The following ZNF599 variants were observed in gnomAD, a reference collection of about 807,000 sequenced individuals.
The protein encoded by ZNF599 is zinc finger protein 599.
Under a neutral mutation model 11.7 loss-of-function variants are expected in ZNF599, and 10 were observed. The observed-to-expected ratio is 0.86, with a 90% confidence interval of 0.53 to 1.45. ZNF599 has a LOEUF of 1.45. ZNF599 is among the 40% of genes most tolerant of loss of function. The pLI is 0.00. For synonymous variants in ZNF599, 232 were observed against 253.2 expected (o/e 0.92, Z 0.79); for missense variants, 688 against 713.6 (o/e 0.96, Z 0.41).
chr19:34,787,460 T>A, the ZNF599 span, among the ~76,000 whole-genome samples: 1 of 152,330 alleles, frequency 6.6e-6, no homozygotes, highest in African/African-American at 2.4e-5. Context: ...AATTTATTTT[T>A]AAAAATAGAT....
intron 1 of ZNF599, among the ~76,000 whole-genome samples, 157 bp from the exon 2 acceptor site, chr19:34,769,712 A>T (rs1398553916): frequency 6.6e-6 from 1 of 152,254 alleles, no homozygotes. Context: ...CCGCTGACAG[A>T]ATACAAAGAT....
intron 3 of ZNF599, among the ~76,000 whole-genome samples, chr19:34,760,809 C>A (rs1056439174): frequency 6.6e-6 from 1 of 152,154 alleles, no homozygotes; most frequent in Non-Finnish European, 1.5e-5. Context: ...TCCTCACTCT[C>A]CCAAATGAGG....
upstream of ZNF599, among the ~76,000 whole-genome samples, chr19:34,777,388 A>T (rs1446941276): frequency 5.2e-3 from 456 of 87,158 alleles, 1 homozygote; most frequent in South Asian, 0.027. Flanking sequence ...ATATTAATTA[A>T]TATATAATAT....
In ZNF599 at chr19:34,760,236, CTTT is replaced by C. The variant is rs571541043; in HGVS notation, c.562_564del (p.Lys188del). The stretch of plus-strand genomic sequence containing the variant: ...TTATTCCTTGCATCAGTCATGGGGT[CTTT>C]TCCTGGTCCTTGAGAGTCACACTCA... On this transcript the variant is annotated inframe_deletion, in exon 4 of 4. Transcript: ENST00000329285. The C allele has an allele frequency of 6.2e-7, 1 of 1,614,122 alleles. No individual in the cohort carries two copies. The highest frequency in any genetic ancestry group is 8.5e-7 in the Non-Finnish European group (1 of 1,180,018).
At chr19:34,765,881 G>C (rs1391277413) in intron 3 of ZNF599, among the ~76,000 whole-genome samples, 1 of 152,120 alleles carries the variant, frequency 6.6e-6, no homozygotes, top group African/African-American at 2.4e-5. Context: ...ATGATCACTT[G>C]GCCTAGAGTA....
chr19:34,781,112 C>T, the ZNF599 span, among the ~76,000 whole-genome samples: 1 of 150,676 alleles, frequency 6.6e-6, no homozygotes, highest in Non-Finnish European at 1.5e-5. Context: ...GCCGAGATAG[C>T]GCCACTGTAC....
At chr19:34,793,404 C>T in the ZNF599 span, among the ~76,000 whole-genome samples, 10 of 152,096 alleles carry the variant, frequency 6.6e-5, no homozygotes, top group Admixed American at 4.6e-4. Flanking sequence ...GGTCAGGGGA[C>T]GTTGGCTGTG....
the ZNF599 span, among the ~76,000 whole-genome samples, chr19:34,804,146 C>G: frequency 6.6e-6 from 1 of 152,194 alleles, no homozygotes; most frequent in Non-Finnish European, 1.5e-5. Context: ...TAGATACCTC[C>G]CCGCAAACTG....
chr19:34,786,961 C>G, the ZNF599 span, among the ~76,000 whole-genome samples: 653 of 152,294 alleles, frequency 4.3e-3, 6 homozygotes, highest in Admixed American at 0.014. Context: ...GTTCCCAAAC[C>G]TTTAACATTG....
At chr19:34,771,504 C>T (rs1568495285) in intron 1 of ZNF599, among the ~76,000 whole-genome samples, 1 of 152,182 alleles carries the variant, frequency 6.6e-6, no homozygotes, top group Non-Finnish European at 1.5e-5. Flanking sequence ...AGTATTTTTC[C>T]TATTTGCTCC....
rs113061036 is a variant in ZNF599, at chr19:34,759,141, T to C, written c.1660A>G (p.Met554Val). The change falls in exon 4 of 4, where the codon ATG becomes GTG. Residue 554 changes from methionine to valine, a missense_variant. Physicochemically the swap from Met to Val is conservative, Grantham distance 21. Transcript: ENST00000329285. ...GGTTTCTCTCCAGTGTGAGTTCTCA[T>C]GTGCTGAGTTAAAGCAAAGTTGTCA... Reference protein sequence around the residue: ...FCDNFALTQHMRTHTGEKPFE... With the variant: ...FCDNFALTQHVRTHTGEKPFE... 119 of 1,614,246 alleles carry C rather than the reference T, an allele frequency of 7.4e-5. 1 individual carries two copies. The African/African-American group carries it at 1.1e-3, about 15-fold the overall frequency.
At chr19:34,780,204 G>A in the ZNF599 span, among the ~76,000 whole-genome samples, 1 of 152,152 alleles carries the variant, frequency 6.6e-6, no homozygotes, top group Non-Finnish European at 1.5e-5. Context: ...GGTGCAAAGT[G>A]TCTTTCAAGA....
intron 3 of ZNF599, chr19:34,765,025 C>A (rs2069133502): frequency 6.7e-6 from 1 of 149,782 alleles, no homozygotes; most frequent in African/African-American, 2.5e-5. Context: ...GTAGATGCTG[C>A]TGGAGACGTA....
At chr19:34,784,239 A>C in the ZNF599 span, among the ~76,000 whole-genome samples, 27 of 152,086 alleles carry the variant, frequency 1.8e-4, no homozygotes, top group African/African-American at 6.0e-4. Flanking sequence ...TCACATGGCC[A>C]TCTTCTCCCT....
At chr19:34,765,336 A>C in intron 3 of ZNF599, 1 of 531,656 alleles carries the variant, frequency 1.9e-6, no homozygotes, top group East Asian at 3.0e-5. Flanking sequence ...ATAAGACTGG[A>C]ACATCCGTCT....
In ZNF599 at chr19:34,759,822, C is replaced by G. The variant is rs866302669; in HGVS notation, c.979G>C (p.Ala327Pro). The change falls in exon 4 of 4, where the codon GCT (alanine) becomes CCT (proline). Residue 327 changes from alanine to proline, a missense_variant. Transcript: ENST00000329285. ...CCAGTATGAATCCTCATATGTTGAG[C>G]AAATGAGGAGCTGTAGTAAAAAGCT... is the stretch of plus-strand genomic sequence containing the variant. ...GKAFYYSSSF[A>P]QHMRIHTGKK... 6.2e-7 allele frequency: 1 copy of G among 1,614,096 alleles called. No individual in the cohort carries two copies. Among genetic ancestry groups the G allele is most frequent in the Admixed American group, 1.7e-5 (1 of 60,008 alleles).
At chr19:34,781,332 GTT>G in the ZNF599 span, among the ~76,000 whole-genome samples, 1 of 151,030 alleles carries the variant, frequency 6.6e-6, no homozygotes. Context: ...GCAGGTGTAG[GTT>G]CTGGGTGGAA....
intron 2 of ZNF599, among the ~76,000 whole-genome samples, chr19:34,768,384 T>C (rs938092866): frequency 3.9e-5 from 6 of 152,344 alleles, no homozygotes; most frequent in Admixed American, 1.3e-4. Flanking sequence ...GTTTACTTCA[T>C]TAATGACTCA....
upstream of ZNF599, among the ~76,000 whole-genome samples, chr19:34,777,684 A>G (rs1351265458): frequency 6.7e-6 from 1 of 148,862 alleles, no homozygotes; most frequent in Non-Finnish European, 1.5e-5. Context: ...AATATGGATG[A>G]ACCCAGAGAG....
Sources: allele counts gnomAD v4.1 joint callset (sites outside exome capture counted in the v4.1 genomes callset), GRCh38; gene constraint gnomAD v4.1.1; transcripts MANE v1.5; gene names NCBI Gene and HGNC (gene_info 2026-07-23, HGNC 2026-07-21).